Variants in SVEP1 observed in about 807,000 individuals in gnomAD.
The protein encoded by SVEP1 is sushi, von Willebrand factor type A, EGF and pentraxin domain-containing protein 1.
In SVEP1, 164 loss-of-function variants were observed where a neutral mutation model predicts 367.3. That is an observed-to-expected ratio of 0.45 (90% confidence interval 0.39 to 0.51). The LOEUF is 0.51. Ranked by LOEUF, SVEP1 falls within the 20% of genes least tolerant of loss-of-function variation. The pLI is 0.00. For synonymous variants in SVEP1, 1,666 were observed against 1,611.6 expected, an observed-to-expected ratio of 1.03 and a Z score of -0.81; for missense variants, 4,117 against 4,425.3, an observed-to-expected ratio of 0.93 and a Z score of 1.98.
intron 3 of SVEP1, among the ~76,000 whole-genome samples, chr9:110,522,678 T>A (rs1280205444): frequency 6.6e-6 from 1 of 152,072 alleles, no homozygotes; most frequent in African/African-American, 2.4e-5. Context: ...AGATTCTGAG[T>A]GTAGTTTGGT....
chr9:110,528,053 G>A (rs1319716896), intron 3 of SVEP1, among the ~76,000 whole-genome samples: 3 of 147,910 alleles, frequency 2.0e-5, no homozygotes, highest in African/African-American at 7.5e-5. Context: ...TTTTATGGCT[G>A]AATAGTATTC....
intron 47 of SVEP1, among the ~76,000 whole-genome samples, chr9:110,366,940 T>C (rs1827210719): frequency 6.6e-6 from 1 of 152,232 alleles, no homozygotes; most frequent in South Asian, 2.1e-4. Flanking sequence ...TCTGAAGATG[T>C]GCACAGAGGT....
Position 110,457,084 on chromosome 9 carries a change from G to C in SVEP1, c.3673+172C>G, listed in dbSNP as rs76007094. Among the ~76,000 whole-genome samples, 233 of 152,198 alleles carry C rather than the reference G, an allele frequency of 1.5e-3. 1 individual carries two copies. Among genetic ancestry groups the C allele is most frequent in the African/African-American group, 5.5e-3 (227 of 41,542 alleles). ...ATAGGCAAAGAAAACTGTCATTTGTGAAGTATGTATAATTTTTTCACCTAT... is the reference window on the plus strand; with the variant it reads ...ATAGGCAAAGAAAACTGTCATTTGTCAAGTATGTATAATTTTTTCACCTAT... On this transcript the variant is annotated intron_variant, in intron 21 of 47. Coordinates refer to ENST00000374469, the MANE Select transcript of SVEP1 (RefSeq NM_153366.4).
At chr9:110,550,817 T>A (rs1395971406) in intron 1 of SVEP1, among the ~76,000 whole-genome samples, 3 of 152,228 alleles carry the variant, frequency 2.0e-5, no homozygotes, top group Non-Finnish European at 4.4e-5. Context: ...TGTTTTACAA[T>A]GATATATGCT....
At chr9:110,542,602 C>T (rs1400790155) in intron 3 of SVEP1, among the ~76,000 whole-genome samples, 4 of 152,116 alleles carry the variant, frequency 2.6e-5, no homozygotes, top group Non-Finnish European at 5.9e-5. Flanking sequence ...TAACACATAA[C>T]ATTGTTGGCA....
intron 43 of SVEP1, among the ~76,000 whole-genome samples, chr9:110,383,536 T>G (rs1302099808): frequency 1.7e-5 from 1 of 58,364 alleles, no homozygotes; most frequent in East Asian, 2.5e-4. Context: ...TGTGGGGGGG[T>G]CTCATCCGTG....
At chr9:110,561,203 C>T (rs1830422374) in intron 1 of SVEP1, among the ~76,000 whole-genome samples, 1 of 152,112 alleles carries the variant, frequency 6.6e-6, no homozygotes, top group Non-Finnish European at 1.5e-5. Flanking sequence ...AAATTCTTAA[C>T]AACTCTTTCC....
chr9:110,390,284 T>TGTGTATATATACGTATATATATAC lies in SVEP1; in HGVS notation c.9823-698_9823-697insGTATATATATACGTATATATACAC, dbSNP rs1554710760. ...GTATGTATATATATACTTATATATA[T>TGTGTATATATACGTATATATATAC]ACATACTTATATATACTTATATAAG... On this transcript the variant is annotated intron_variant, in intron 40 of 47. Coordinates refer to ENST00000374469, the MANE Select transcript of SVEP1 (RefSeq NM_153366.4). Among the ~76,000 whole-genome samples, 38 of 52,310 alleles carry TGTGTATATATACGTATATATATAC rather than the reference T, an allele frequency of 7.3e-4. 1 individual carries two copies. The highest frequency in any genetic ancestry group is 2.6e-3 in the South Asian group (5 of 1,932). The allele number at this position is 52,310 out of a possible 152,430, so 34.3% of individuals were successfully genotyped here.
rs1450488200 is a variant in SVEP1, at chr9:110,446,752, G to T, written c.4261+148C>A. ...GGATAATAGTAGTAGTACCTAGTTT[G>T]TTGGATGGCTGTGAAGATTAAATGA... On this transcript the variant is annotated intron_variant, in intron 25 of 47. Coordinates refer to ENST00000374469, the MANE Select transcript of SVEP1 (RefSeq NM_153366.4). 8.8e-6 allele frequency: 5 copies of T among 567,644 alleles called. No homozygotes were observed. The Admixed American group carries it at 2.1e-4, about 24-fold the overall frequency. 35.2% of individuals were successfully genotyped at this position (567,644 alleles called of 1,614,324 possible).
intron 40 of SVEP1, among the ~76,000 whole-genome samples, chr9:110,391,018 A>C (rs1314329460): frequency 3.3e-5 from 5 of 152,180 alleles, no homozygotes; most frequent in African/African-American, 4.8e-5. Flanking sequence ...TTCAGTATGA[A>C]TCTCTAAAAG....
rs534858405 is a variant in SVEP1, at chr9:110,460,754, A to C, written c.3323-1641T>G. Among the ~76,000 whole-genome samples the C allele has an allele frequency of 4.1e-3, 620 of 152,258 alleles. 3 individuals carry two copies. Among genetic ancestry groups the C allele is most frequent in the African/African-American group, 0.014 (593 of 41,532 alleles). ...AGCAACGGAGTGAGACTCCGTCTCA[A>C]AAGAAAAAAAAAAAAGAAAATTCAA... On this transcript the variant is annotated intron_variant, in intron 18 of 47. Transcript: ENST00000374469.
At chr9:110,510,804 T>C (rs1235051436) in intron 5 of SVEP1, among the ~76,000 whole-genome samples, 1 of 152,246 alleles carries the variant, frequency 6.6e-6, no homozygotes, top group African/African-American at 2.4e-5. Context: ...GTAAAGATTT[T>C]ACACAGAACT....
intron 9 of SVEP1, 82 bp from the exon 10 acceptor site, chr9:110,483,775 G>A (rs758500770): frequency 7.1e-6 from 7 of 988,818 alleles, no homozygotes; most frequent in Admixed American, 6.1e-5. Context: ...AACTGAAGTC[G>A]GCTTGTGCTG....
At chr9:110,375,490 A>AAAAC in intron 45 of SVEP1, 27 bp from the exon 46 acceptor site, 1 of 1,338,836 alleles carries the variant, frequency 7.5e-7, no homozygotes, top group Non-Finnish European at 1.0e-6. Flanking sequence ...AAAAAAAAAA[A>AAAAC]GGAGGCAGGG....
intron 6 of SVEP1, among the ~76,000 whole-genome samples, chr9:110,500,649 C>G (rs900499555): frequency 3.9e-5 from 6 of 152,088 alleles, no homozygotes; most frequent in Non-Finnish European, 8.8e-5. Context: ...TGAAAACATA[C>G]AGGAAACTTT....
intron 17 of SVEP1, among the ~76,000 whole-genome samples, chr9:110,468,050 A>G (rs1342880520): frequency 6.7e-6 from 1 of 148,394 alleles, no homozygotes; most frequent in Non-Finnish European, 1.5e-5. Flanking sequence ...AGATGCTGCT[A>G]TGCTTCCTGC....
chr9:110,558,975 T>C (rs1307337741), intron 1 of SVEP1, among the ~76,000 whole-genome samples: 2 of 152,060 alleles, frequency 1.3e-5, no homozygotes, highest in Non-Finnish European at 2.9e-5. Context: ...TAATCCAATA[T>C]GCTGAAAAGA....
chr9:110,479,222 T>C (rs1034734793), intron 13 of SVEP1, among the ~76,000 whole-genome samples: 2 of 152,234 alleles, frequency 1.3e-5, no homozygotes, highest in South Asian at 4.1e-4. Context: ...CTGGTCTGTT[T>C]TTTTTATAAT....
chr9:110,491,577 T>G (rs12006035), intron 8 of SVEP1, among the ~76,000 whole-genome samples: 2,002 of 130,018 alleles, frequency 0.015, 47 homozygotes, highest in African/African-American at 0.057. Context: ...GCATTACATA[T>G]TTTATAGAAT....
Sources: gnomAD v4.1 joint callset for allele counts (sites outside exome capture counted in the v4.1 genomes callset) on GRCh38, gnomAD v4.1.1 for gene constraint, MANE v1.5 for transcripts, NCBI Gene and HGNC (gene_info 2026-07-23, HGNC 2026-07-21) for gene names.